The following SCGB2B2 variants were observed in gnomAD, a reference collection of about 807,000 sequenced individuals.
SCGB2B2 encodes the protein secretoglobin family 2B member 2.
A neutral mutation model predicts 7.6 loss-of-function variants in SCGB2B2; 11 were observed. The ratio of observed to expected loss-of-function variants is 1.45; its 90% confidence interval spans 0.91 to 2.40. SCGB2B2 has a LOEUF of 2.40. Ranked by LOEUF, SCGB2B2 falls within the 30% of genes most tolerant of loss-of-function variation. The pLI, the probability that SCGB2B2 is intolerant of heterozygous loss-of-function variation, is 0.00. For missense variants in SCGB2B2, 104 were observed against 115.4 expected (o/e 0.90, Z 0.45); for synonymous variants, 50 against 48.6 (o/e 1.03, Z -0.12).
chr19:34,660,458 T>C (rs547732001), intron 1 of SCGB2B2, among the ~76,000 whole-genome samples: 20 of 152,040 alleles, frequency 1.3e-4, no homozygotes, highest in African/African-American at 4.8e-4. Flanking sequence ...AACAACCCCA[T>C]CAAAAAGTGG....
chr19:34,659,670 T>G (rs563353861), intron 1 of SCGB2B2, among the ~76,000 whole-genome samples: 78 of 152,312 alleles, frequency 5.1e-4, no homozygotes, highest in African/African-American at 1.6e-3. Context: ...CATTCCATGC[T>G]CATGGGTAGG....
chr19:34,626,910 T>C (rs1020842414), intron 1 of SCGB2B2, among the ~76,000 whole-genome samples: 2 of 152,222 alleles, frequency 1.3e-5, no homozygotes, highest in Admixed American at 1.3e-4. Context: ...AGCTAATCTC[T>C]CCGCAGAAAC....
intron 1 of SCGB2B2, chr19:34,645,716 C>G: frequency 2.4e-6 from 1 of 411,070 alleles, no homozygotes; most frequent in Non-Finnish European, 5.0e-6. Flanking sequence ...CTGCAGCGTC[C>G]AGCTGGGTGA....
chr19:34,600,734 C>T (rs1303551486), intron 1 of SCGB2B2, among the ~76,000 whole-genome samples: 4 of 152,064 alleles, frequency 2.6e-5, no homozygotes, highest in Non-Finnish European at 5.9e-5. Context: ...TTTTTTCCAC[C>T]TCTGACTGAT....
intron 1 of SCGB2B2, among the ~76,000 whole-genome samples, chr19:34,623,077 C>T (rs1348722809): frequency 6.6e-6 from 1 of 152,082 alleles, no homozygotes; most frequent in Admixed American, 6.6e-5. Context: ...TTTAAGGGCA[C>T]TATTACTCTC....
Position 34,594,698 on chromosome 19 carries a change from TGTGTGA to T in SCGB2B2, c.-141_-136del. 1.7e-6 allele frequency: 1 copy of T among 597,496 alleles called. No homozygotes were observed. The highest frequency in any genetic ancestry group is 3.7e-5 in the East Asian group (1 of 27,382). 37.0% of individuals were successfully genotyped at this position (597,496 alleles called of 1,614,324 possible). ...GTGTGTGTGTGTGTGTGTGTGTGTG[TGTGTGA>T]ATGTGGTCAGGGCAGGTCTGCAGAG... On this transcript the variant is annotated 5_prime_UTR_variant, in exon 2 of 4. Transcript: ENST00000601241.
At chr19:34,651,748 A>G (rs1433542063) in intron 1 of SCGB2B2, among the ~76,000 whole-genome samples, 1 of 151,324 alleles carries the variant, frequency 6.6e-6, no homozygotes, top group Non-Finnish European at 1.5e-5. Context: ...CAAAATATCA[A>G]TGATATCTTC....
At chr19:34,648,192 G>A (rs1032521328) in intron 1 of SCGB2B2, among the ~76,000 whole-genome samples, 2 of 152,168 alleles carry the variant, frequency 1.3e-5, no homozygotes, top group South Asian at 2.1e-4. Flanking sequence ...TGTGAGACAC[G>A]CTAGTTTGGA....
Position 34,593,558 on chromosome 19 carries a change from G to C in SCGB2B2, c.288C>G (p.Phe96Leu). 1 of 1,553,178 alleles carries C rather than the reference G, an allele frequency of 6.4e-7. No homozygotes were observed. Among genetic ancestry groups the C allele is most frequent in the Non-Finnish European group, 8.7e-7 (1 of 1,147,728 alleles). Residue 96 changes from phenylalanine (F) to leucine (L), a missense_variant, in exon 4 of 4, where the codon TTC (phenylalanine) becomes TTG (leucine). By Grantham distance (22) the Phe-to-Leu change is conservative (BLOSUM62 0). Transcript: ENST00000601241. ...CTGATCTGCAGGGGTCCTCAGATCAGAAGGCTGCTTCTATGCAATCGTTGC... is the reference window on the plus strand; with the variant it reads ...CTGATCTGCAGGGGTCCTCAGATCACAAGGCTGCTTCTATGCAATCGTTGC... The part of the protein sequence containing the change: ...LQSNDCIEAA[F>L]
intron 1 of SCGB2B2, among the ~76,000 whole-genome samples, chr19:34,602,145 T>A (rs937038359): frequency 1.3e-5 from 2 of 152,168 alleles, no homozygotes; most frequent in African/African-American, 4.8e-5. Flanking sequence ...AGCATTTTTT[T>A]AAAAAAGGAA....
intron 1 of SCGB2B2, among the ~76,000 whole-genome samples, chr19:34,617,295 C>T (rs865873076): frequency 1.5e-4 from 22 of 149,762 alleles, no homozygotes; most frequent in African/African-American, 5.0e-4. Context: ...ATTTTCACGA[C>T]ATTGATTCTT....
At chr19:34,651,170 C>G (rs1280828925) in intron 1 of SCGB2B2, among the ~76,000 whole-genome samples, 1 of 151,354 alleles carries the variant, frequency 6.6e-6, no homozygotes, top group Non-Finnish European at 1.5e-5. Context: ...GTACAAAGCT[C>G]TTCCTCTGAG....
At chr19:34,626,774 C>T (rs1568434989) in intron 1 of SCGB2B2, among the ~76,000 whole-genome samples, 1 of 152,140 alleles carries the variant, frequency 6.6e-6, no homozygotes, top group African/African-American at 2.4e-5. Context: ...AAAGATACTC[C>T]TCGAGAAGAG....
intron 1 of SCGB2B2, among the ~76,000 whole-genome samples, chr19:34,622,273 T>C (rs978725534): frequency 2.6e-5 from 4 of 152,204 alleles, no homozygotes; most frequent in African/African-American, 9.7e-5. Flanking sequence ...TGAATGTCTT[T>C]CCTATGGGAA....
rs1252904155 is a variant in SCGB2B2 at position 34,594,302 on chromosome 19, TG to T, written c.118del (p.Gln40LysfsTer4). On this transcript the variant is annotated frameshift_variant, in exon 3 of 4. Transcript: ENST00000601241. LOFTEE classifies it high-confidence loss of function. ...AGCAAGCTCCTCCTTCAGGAGGTCT[TG>T]GGACACATCAAACACAACATTCGCA... is the stretch of plus-strand genomic sequence containing the variant. ...LLANVVFDVS[Q>X]DLLKEELARY... 6.2e-7 allele frequency: 1 copy of T among 1,614,174 alleles called. No individual in the cohort carries two copies. Among genetic ancestry groups the T allele is most frequent in the Non-Finnish European group, 8.5e-7 (1 of 1,180,026 alleles).
intron 1 of SCGB2B2, among the ~76,000 whole-genome samples, chr19:34,644,578 T>C (rs2066943220): frequency 6.6e-6 from 1 of 152,152 alleles, no homozygotes; most frequent in South Asian, 2.1e-4. Context: ...ACCTCTCTTC[T>C]ACTTTTGTTT....
chr19:34,597,452 T>G (rs199731798), intron 1 of SCGB2B2, among the ~76,000 whole-genome samples: 2 of 44,682 alleles, frequency 4.5e-5, no homozygotes, highest in Admixed American at 6.5e-4. Flanking sequence ...CCCTAGAGGG[T>G]TTGATATCAG....
rs1600049126 is a variant in SCGB2B2 at position 34,616,778 on chromosome 19, G to T, written c.-2031-20184C>A. Among the ~76,000 whole-genome samples the T allele has an allele frequency of 2.6e-5, 4 of 151,522 alleles. No homozygotes were observed. The Middle Eastern group carries it at 0.01, about 387-fold the overall frequency. On this transcript the variant is annotated intron_variant, in intron 1 of 3. Coordinates refer to ENST00000601241, the MANE Select transcript of SCGB2B2 (RefSeq NM_001025591.4). ...CCTTGCCCATGCCTATGTCCTGAAT[G>T]GTATTGCCTAGGTTTTCTTCTAGGG...
intron 1 of SCGB2B2, among the ~76,000 whole-genome samples, chr19:34,626,567 A>G (rs1443145374): frequency 6.6e-6 from 1 of 152,204 alleles, no homozygotes; most frequent in Non-Finnish European, 1.5e-5. Context: ...AAAAAAGAAT[A>G]AAAAGAAACG....
Sources: allele counts gnomAD v4.1 joint callset (sites outside exome capture counted in the v4.1 genomes callset), GRCh38; gene constraint gnomAD v4.1.1; transcripts MANE v1.5; gene names NCBI Gene and HGNC (gene_info 2026-07-23, HGNC 2026-07-21).